Variants in MAML3 observed in about 807,000 individuals in gnomAD.
MAML3 encodes mastermind like transcriptional coactivator 3, also known as mastermind-like protein 3.
A neutral mutation model predicts 101.9 loss-of-function variants in MAML3; 27 were observed. The observed-to-expected ratio is 0.27, with a 90% CI of 0.20 to 0.37. The LOEUF is 0.37. MAML3 is among the 10% of genes least tolerant of loss of function. The pLI is 1.00. For synonymous variants in MAML3, 501 were observed against 555.9 expected, an observed-to-expected ratio of 0.90 and a Z score of 1.39; for missense variants, 1,316 against 1,444.9, an observed-to-expected ratio of 0.91 and a Z score of 1.45.
chr4:139,784,755 C>T (rs573263350), intron 2 of MAML3, among the ~76,000 whole-genome samples: 4 of 152,318 alleles, frequency 2.6e-5, no homozygotes, highest in Non-Finnish European at 4.4e-5. Flanking sequence ...CTATGCGCTA[C>T]GCCTTGGCCA....
chr4:139,759,939 A>T (rs1729720345), intron 2 of MAML3, among the ~76,000 whole-genome samples: 1 of 152,238 alleles, frequency 6.6e-6, no homozygotes, highest in Admixed American at 6.5e-5. Context: ...CAAAGAGGCC[A>T]CCTTTCCCAT....
At chr4:139,912,720 A>G (rs1354002807) in intron 1 of MAML3, among the ~76,000 whole-genome samples, 1 of 152,268 alleles carries the variant, frequency 6.6e-6, no homozygotes, top group Non-Finnish European at 1.5e-5. Flanking sequence ...GACTGGAGTT[A>G]CGCAGCTGCA....
intron 2 of MAML3, among the ~76,000 whole-genome samples, chr4:139,874,805 CT>C (rs35089838): frequency 3.8e-4 from 50 of 133,090 alleles, no homozygotes; most frequent in Non-Finnish European, 3.1e-4. Context: ...CCTATCTTTC[CT>C]TTTTTTTTTT....
At chr4:139,988,153 C>T (rs1734585990) in intron 1 of MAML3, among the ~76,000 whole-genome samples, 1 of 150,926 alleles carries the variant, frequency 6.6e-6, no homozygotes, top group South Asian at 2.1e-4. Context: ...ATGGCGAAAC[C>T]CCATCTCTAC....
chr4:139,913,902 C>A (rs1000767142), intron 1 of MAML3, among the ~76,000 whole-genome samples: 1 of 152,116 alleles, frequency 6.6e-6, no homozygotes, highest in African/African-American at 2.4e-5. Flanking sequence ...TAAAATATTT[C>A]TTGCTTTTGT....
At position 139,735,029 on chromosome 4, in the gene MAML3, C is replaced by A. The variant is rs962855358; in HGVS notation, c.2080-4362G>T. 1.3e-5 allele frequency among the ~76,000 whole-genome samples: 2 copies of A among 152,200 alleles called. No individual in the cohort carries two copies. Among genetic ancestry groups the A allele is most frequent in the African/African-American group, 2.4e-5 (1 of 41,456 alleles). On this transcript the variant is annotated intron_variant, in intron 2 of 4. Transcript: ENST00000509479. The surrounding 1 kb of genome is among the most constrained non-coding windows in gnomAD (Gnocchi z 5.8). The stretch of plus-strand genomic sequence containing the variant: ...CCGGCCGCCGCTGCGCCCGCGCCCC[C>A]TCCCCTCGCAGATGGCTTAATCAGG...
intron 2 of MAML3, among the ~76,000 whole-genome samples, chr4:139,750,778 T>G (rs1302216868): frequency 1.3e-5 from 2 of 152,180 alleles, no homozygotes; most frequent in African/African-American, 4.8e-5. Flanking sequence ...TAGCGATAGA[T>G]TTTCATCCTA....
intron 2 of MAML3, among the ~76,000 whole-genome samples, chr4:139,745,154 G>A (rs1280535319): frequency 5.3e-5 from 8 of 152,102 alleles, no homozygotes; most frequent in Admixed American, 2.0e-4. Flanking sequence ...GAAGGAGAGC[G>A]GCCACCTGCA....
intron 2 of MAML3, among the ~76,000 whole-genome samples, chr4:139,812,754 C>T (rs1405036629): frequency 6.6e-6 from 1 of 152,120 alleles, no homozygotes; most frequent in Non-Finnish European, 1.5e-5. Flanking sequence ...TCAGGCCAAT[C>T]ACTGCCGCTT....
Position 140,143,841 on chromosome 4 carries a change from G to A in MAML3, c.468+9019C>T, listed in dbSNP as rs144728804. Among the ~76,000 whole-genome samples the A allele has an allele frequency of 2.2e-3, 334 of 152,292 alleles. 1 individual carries two copies. Among genetic ancestry groups the A allele is most frequent in the African/African-American group, 6.6e-3 (274 of 41,564 alleles). On this transcript the variant is annotated intron_variant, in intron 1 of 4. Coordinates refer to ENST00000509479, the MANE Select transcript of MAML3 (RefSeq NM_018717.5). ...GTAAACAGCCAGAACATCATACCAC[G>A]TGGCCAGCTAGGATGGCGCTGCCAT...
At chr4:140,086,545 A>G (rs1727955215) in intron 1 of MAML3, among the ~76,000 whole-genome samples, 1 of 152,228 alleles carries the variant, frequency 6.6e-6, no homozygotes, top group Non-Finnish European at 1.5e-5. Flanking sequence ...TTAAAATATC[A>G]ATTATTTTGC....
chr4:139,799,044 G>C (rs1033359195), intron 2 of MAML3, among the ~76,000 whole-genome samples: 7 of 152,090 alleles, frequency 4.6e-5, no homozygotes, highest in Admixed American at 2.0e-4. Flanking sequence ...TAAACTTATG[G>C]GCAAGGTTTT....
intron 1 of MAML3, among the ~76,000 whole-genome samples, chr4:140,087,353 T>C (rs548778553): frequency 6.6e-6 from 1 of 152,360 alleles, no homozygotes; most frequent in African/African-American, 2.4e-5. Flanking sequence ...AAGACATTTT[T>C]GTCTTACGAA....
At chr4:139,896,232 C>T (rs530605329) in intron 1 of MAML3, among the ~76,000 whole-genome samples, 199 of 152,224 alleles carry the variant, frequency 1.3e-3, no homozygotes, top group South Asian at 2.3e-3. Flanking sequence ...GGAAATGTCC[C>T]TGTGACTTTC....
In MAML3 at chr4:139,951,305, T is replaced by C. The variant is rs74455317; in HGVS notation, c.469-60338A>G. Reference sequence around the variant, plus strand: ...CCTTCAGTGTTGACAGTCAGCAATTTTGAATGTGCTGACATGGAGAACAGT... The same window carrying C: ...CCTTCAGTGTTGACAGTCAGCAATTCTGAATGTGCTGACATGGAGAACAGT... On this transcript the variant is annotated intron_variant, in intron 1 of 4. Coordinates refer to ENST00000509479, the MANE Select transcript of MAML3 (RefSeq NM_018717.5). 2.4e-4 allele frequency among the ~76,000 whole-genome samples: 36 copies of C among 152,312 alleles called. No individual in the cohort carries two copies. In the East Asian group the frequency reaches 6.0e-3, roughly 25 times the overall value.
At chr4:139,794,906 T>A (rs795996) in intron 2 of MAML3, among the ~76,000 whole-genome samples, 125,806 of 152,206 alleles carry the variant, frequency 0.83, 52,108 homozygotes, top group South Asian at 0.91. Context: ...CTTTTCTGAA[T>A]GAAGGTAAGA....
chr4:139,871,348 G>A (rs903790961), intron 2 of MAML3, among the ~76,000 whole-genome samples: 1 of 152,086 alleles, frequency 6.6e-6, no homozygotes, highest in Non-Finnish European at 1.5e-5. Context: ...CTCTCACTTT[G>A]CCAGGAACCA....
At chr4:139,925,467 C>G (rs1733203171) in intron 1 of MAML3, among the ~76,000 whole-genome samples, 1 of 152,078 alleles carries the variant, frequency 6.6e-6, no homozygotes, top group South Asian at 2.1e-4. Flanking sequence ...TGACCTCAGG[C>G]AATCCACCTG....
rs540795769 is a variant in MAML3, at chr4:140,147,208, T to C, written c.468+5652A>G. The stretch of plus-strand genomic sequence containing the variant: ...AATAATACTGAAAATCTACAGAGAA[T>C]ATATATTGTCAAAGTCTTGGATGCA... On this transcript the variant is annotated intron_variant, in intron 1 of 4. Coordinates refer to ENST00000509479, the MANE Select transcript of MAML3 (RefSeq NM_018717.5). Among the ~76,000 whole-genome samples, 25 of 150,876 alleles carry C rather than the reference T, an allele frequency of 1.7e-4. No homozygotes were observed. In the South Asian group the frequency reaches 4.8e-3, roughly 29 times the overall value.
Sources: allele counts gnomAD v4.1 joint callset (sites outside exome capture counted in the v4.1 genomes callset), GRCh38; gene constraint gnomAD v4.1.1; non-coding constraint Gnocchi (gnomAD v3.1); transcripts MANE v1.5; gene names NCBI Gene and HGNC (gene_info 2026-07-23, HGNC 2026-07-21).